Variants in CYB5R4 observed in about 807,000 individuals in gnomAD.
CYB5R4 encodes the protein N-terminal cytochrome b5 and cytochrome b5 oxidoreductase domain-containing protein.
In CYB5R4, 55 loss-of-function variants were observed where a neutral mutation model predicts 70.2. The ratio of observed to expected loss-of-function variants is 0.78; its 90% CI spans 0.63 to 0.98. The LOEUF (loss-of-function observed/expected upper bound fraction) is 0.98, where lower values mean the gene tolerates loss of function less well. Ranked by LOEUF, CYB5R4 falls within the 50% of genes least tolerant of loss-of-function variation. The probability of loss-of-function intolerance (pLI) is 0.00; values close to 1 mark genes in which losing one functional copy is unlikely to be tolerated. For synonymous variants in CYB5R4, 197 were observed against 199.5 expected (o/e 0.99, Z 0.11); for missense variants, 562 against 612.6 (o/e 0.92, Z 0.87).
intron 6 of CYB5R4, among the ~76,000 whole-genome samples, chr6:83,919,070 T>C (rs1474437197): frequency 6.6e-6 from 1 of 152,146 alleles, no homozygotes; most frequent in Non-Finnish European, 1.5e-5. Context: ...TCATGCTCTT[T>C]AACAAAATAT....
intron 2 of CYB5R4, among the ~76,000 whole-genome samples, chr6:83,890,790 C>T (rs2129133613): frequency 6.6e-6 from 1 of 152,198 alleles, no homozygotes; most frequent in South Asian, 2.1e-4. Context: ...CCATCAACAT[C>T]AAGGCAAGAC....
intron 9 of CYB5R4, 41 bp downstream of exon 9, chr6:83,922,511 A>AATT: frequency 2.8e-6 from 4 of 1,429,146 alleles, no homozygotes; most frequent in Non-Finnish European, 2.0e-6. Flanking sequence ...GTACGTACAT[A>AATT]TACACATACC....
chr6:83,945,717 C>T (rs1411007958), intron 14 of CYB5R4, among the ~76,000 whole-genome samples: 2 of 151,812 alleles, frequency 1.3e-5, no homozygotes, highest in Non-Finnish European at 2.9e-5. Context: ...CAAATAGATA[C>T]AATAAAAAAT....
intron 3 of CYB5R4, among the ~76,000 whole-genome samples, chr6:83,896,847 A>G (rs911893241): frequency 1.3e-5 from 2 of 152,086 alleles, no homozygotes; most frequent in South Asian, 4.1e-4. Flanking sequence ...AGAAATCTCC[A>G]TACTGTTTTC....
At chr6:83,864,791 G>A (rs1349232010) in intron 2 of CYB5R4, among the ~76,000 whole-genome samples, 2 of 152,132 alleles carry the variant, frequency 1.3e-5, no homozygotes. Flanking sequence ...CATGGTATAT[G>A]TTTCTTAGCA....
chr6:83,859,787 T>A lies in CYB5R4; in HGVS notation c.5T>A (p.Leu2Gln). Reference sequence around the variant, plus strand: ...GCCCGGGGCCGGGGTTTGAAGATGCTGAACGTCCCTTCCCAGTCTTTCCCG... The same window carrying A: ...GCCCGGGGCCGGGGTTTGAAGATGCAGAACGTCCCTTCCCAGTCTTTCCCG... M[L>Q]NVPSQSFPAP... The change falls in exon 1 of 16, where the codon CTG becomes CAG. Residue 2 changes from leucine to glutamine, a missense_variant. By Grantham distance (113) the Leu-to-Gln change is moderately radical. Transcript: ENST00000369681. 1 of 1,613,414 alleles carries A rather than the reference T, an allele frequency of 6.2e-7. No homozygotes were observed. Among genetic ancestry groups the A allele is most frequent in the Non-Finnish European group, 8.5e-7 (1 of 1,179,814 alleles).
chr6:83,862,533 A>C (rs1475048377), intron 1 of CYB5R4, among the ~76,000 whole-genome samples: 1 of 152,212 alleles, frequency 6.6e-6, no homozygotes, highest in Non-Finnish European at 1.5e-5. Context: ...CAAGTACTTG[A>C]CAGCAATAAA....
rs879673388 is a variant in CYB5R4 at position 83,898,297 on chromosome 6, G to A, written c.330+4675G>A. Among the ~76,000 whole-genome samples the A allele has an allele frequency of 4.7e-3, 716 of 152,108 alleles. 2 individuals are homozygous for A. Among genetic ancestry groups the A allele is most frequent in the Non-Finnish European group, 6.3e-3 (431 of 68,000 alleles). ...GTAGATATGTGGCATTAGTTCTGAGGGCTCTGTTCTGTTCCATTGGTCTAT... is the reference window on the plus strand; with the variant it reads ...GTAGATATGTGGCATTAGTTCTGAGAGCTCTGTTCTGTTCCATTGGTCTAT... On this transcript the variant is annotated intron_variant, in intron 3 of 15. Transcript: ENST00000369681.
intron 12 of CYB5R4, among the ~76,000 whole-genome samples, chr6:83,939,607 T>A (rs2099469442): frequency 6.6e-6 from 1 of 152,202 alleles, no homozygotes; most frequent in African/African-American, 2.4e-5. Flanking sequence ...GTTACTGTGG[T>A]TAATAATCAA....
Position 83,936,500 on chromosome 6 carries a change from T to C in CYB5R4, c.1108+124T>C, listed in dbSNP as rs1019945021. 11 of 795,194 alleles carry C rather than the reference T, an allele frequency of 1.4e-5. No homozygotes were observed. In the African/African-American group the frequency reaches 1.6e-4, roughly 12 times the overall value. 49.3% of individuals were successfully genotyped at this position (795,194 alleles called of 1,614,324 possible). A position where few individuals can be genotyped will look rare whatever the true frequency, so the allele number is the denominator to read the frequency against. On this transcript the variant is annotated intron_variant, in intron 12 of 15. Coordinates refer to ENST00000369681, the MANE Select transcript of CYB5R4 (RefSeq NM_016230.4). ...CTCAACATGTCTACAACCAAAGTTA[T>C]CTTCTCCTTGTCCTACACAGCGTGG...
intron 9 of CYB5R4, among the ~76,000 whole-genome samples, chr6:83,924,053 G>C (rs1319019750): frequency 3.4e-5 from 4 of 118,224 alleles, no homozygotes; most frequent in Non-Finnish European, 6.4e-5. Context: ...CTGGGTGACA[G>C]AGCAAGACTC....
chr6:83,909,289 T>C (rs1388169572), intron 4 of CYB5R4, among the ~76,000 whole-genome samples, 199 bp downstream of exon 4: 1 of 152,218 alleles, frequency 6.6e-6, no homozygotes, highest in Non-Finnish European at 1.5e-5. Context: ...AGTTCGACTG[T>C]TGTTTAGAGA....
intron 2 of CYB5R4, among the ~76,000 whole-genome samples, chr6:83,881,251 T>G (rs1453162985): frequency 6.6e-6 from 1 of 152,086 alleles, no homozygotes; most frequent in African/African-American, 2.4e-5. Context: ...ACCAGCTCAC[T>G]GCAGCCTCAG....
rs573602501 is a variant in CYB5R4, at chr6:83,966,271, T to C, written c.*6393T>C. On this transcript the variant is annotated 3_prime_UTR_variant, in exon 16 of 16. Transcript: ENST00000369681. Reference sequence around the variant, plus strand: ...TTTTAAGTAGATGAATTGTATCTAATTTGAACCATATCTCAGTAAAGATAT... The same window carrying C: ...TTTTAAGTAGATGAATTGTATCTAACTTGAACCATATCTCAGTAAAGATAT... The C allele has an allele frequency of 3.9e-5, 6 of 152,320 alleles. No homozygotes were observed. In the South Asian group the frequency reaches 8.3e-4, roughly 21 times the overall value. The allele number at this position is 152,320 out of a possible 1,614,324, so 9.4% of individuals were successfully genotyped here.
chr6:83,902,031 A>T (rs925632853), intron 3 of CYB5R4, among the ~76,000 whole-genome samples: 1 of 152,088 alleles, frequency 6.6e-6, no homozygotes, highest in African/African-American at 2.4e-5. Context: ...AGTTTAATAT[A>T]GTTACATTTG....
At chr6:83,893,019 T>C (rs2099461367) in intron 2 of CYB5R4, among the ~76,000 whole-genome samples, 1 of 152,224 alleles carries the variant, frequency 6.6e-6, no homozygotes, top group African/African-American at 2.4e-5. Flanking sequence ...CAACCTTGAA[T>C]GTTAGTGTCT....
rs933322654 is a variant in CYB5R4, at chr6:83,914,343, A to G, written c.413-73A>G. 4.2e-6 allele frequency: 6 copies of G among 1,428,400 alleles called. No individual in the cohort carries two copies. The Admixed American group carries it at 1.2e-4, about 29-fold the overall frequency. 88.5% of individuals were successfully genotyped at this position (1,428,400 alleles called of 1,614,324 possible). A position where few individuals can be genotyped will look rare whatever the true frequency, so the allele number is the denominator to read the frequency against. On this transcript the variant is annotated intron_variant, in intron 4 of 15. Coordinates refer to ENST00000369681, the MANE Select transcript of CYB5R4 (RefSeq NM_016230.4). Reference sequence around the variant, plus strand: ...AAAGAAGGGATGTTATCTTGAAATCAGTAATGTGGACTGACATTCTCATTG... The same window carrying G: ...AAAGAAGGGATGTTATCTTGAAATCGGTAATGTGGACTGACATTCTCATTG...
intron 12 of CYB5R4, among the ~76,000 whole-genome samples, chr6:83,938,780 A>G (rs777895287): frequency 5.3e-5 from 8 of 152,126 alleles, no homozygotes; most frequent in Non-Finnish European, 1.2e-4. Flanking sequence ...TTTCCTAAAG[A>G]CACTCTAATC....
intron 14 of CYB5R4, among the ~76,000 whole-genome samples, chr6:83,953,842 C>T (rs575639740): frequency 6.6e-6 from 1 of 152,166 alleles, no homozygotes; most frequent in South Asian, 2.1e-4. Flanking sequence ...ATTTGTATTT[C>T]AAGACTTGTC....
Sources: gnomAD v4.1 joint callset for allele counts (sites outside exome capture counted in the v4.1 genomes callset) on GRCh38, gnomAD v4.1.1 for gene constraint, MANE v1.5 for transcripts, NCBI Gene and HGNC (gene_info 2026-07-23, HGNC 2026-07-21) for gene names.